Variants in MYO15A observed in about 807,000 individuals in gnomAD.
MYO15A encodes unconventional myosin-XV.
Under a neutral mutation model 394.6 loss-of-function variants are expected in MYO15A, and 308 were observed. The observed-to-expected ratio is 0.78, with a 90% CI of 0.71 to 0.86. The LOEUF is 0.86. Ranked by LOEUF, MYO15A falls within the 40% of genes least tolerant of loss-of-function variation. The pLI, the probability that MYO15A is intolerant of heterozygous loss-of-function variation, is 0.00. For missense variants in MYO15A, 4,606 were observed against 4,799.1 expected (o/e 0.96, Z 1.19); for synonymous variants, 1,957 against 2,003.8 (o/e 0.98, Z 0.62).
In MYO15A at chr17:18,144,484, C is replaced by T; in HGVS notation, c.6178-13C>T. ...CCAGCTCTGTCTGCTCATGTGCCTGCCCTGTGTCTTAGGAACCTGCCTTTG... is the reference window on the plus strand; with the variant it reads ...CCAGCTCTGTCTGCTCATGTGCCTGTCCTGTGTCTTAGGAACCTGCCTTTG... On this transcript the variant is annotated splice_polypyrimidine_tract_variant and intron_variant, in intron 28 of 65. Coordinates refer to ENST00000647165, the MANE Select transcript of MYO15A (RefSeq NM_016239.4). The T allele has an allele frequency of 8.7e-6, 14 of 1,610,812 alleles. No homozygotes were observed. Among genetic ancestry groups the T allele is most frequent in the Non-Finnish European group, 1.2e-5 (14 of 1,178,154 alleles).
Position 18,121,038 on chromosome 17 carries a change from G to T in MYO15A, c.2238G>T (p.Arg746Ser), listed in dbSNP as rs79760961. The T allele has an allele frequency of 2.7e-3, 4,091 of 1,509,772 alleles. 85 individuals are homozygous for T. The African/African-American group carries it at 0.047, about 17-fold the overall frequency. The allele number at this position is 1,509,772 out of a possible 1,614,324, so 93.5% of individuals were successfully genotyped here. Residue 746 changes from arginine to serine, a missense_variant, in exon 2 of 66, where the codon AGG becomes AGT. Around this residue, in one of 2 missense-constraint regions of MYO15A, gnomAD observed 1,830 missense variants for 1,689.7 expected, o/e 1.08. Transcript: ENST00000647165. This position sits in a 1 kb window ranked among gnomAD's most constrained non-coding sequence, Gnocchi z 5.3. ...LAFPGPRPSF[R>S]GSRRRGAAFG... ...TCCCAGGGCCCCGACCCTCGTTCAG[G>T]GGCTCCCGCCGGAGAGGGGCGGCTT... is the stretch of plus-strand genomic sequence containing the variant.
rs777988901 is a variant in MYO15A, at chr17:18,120,625, C to T, written c.1825C>T (p.Arg609Cys). 3.1e-6 allele frequency: 5 copies of T among 1,597,304 alleles called. No individual in the cohort carries two copies. In the African/African-American group the frequency reaches 5.4e-5, roughly 17 times the overall value. Residue 609 changes from arginine (R) to cysteine (C), a missense_variant, in exon 2 of 66, where the codon CGC becomes TGC. Arg to Cys is a radical substitution (Grantham distance 180). Transcript: ENST00000647165. ...GPAVREAAYKRFGYKLAGMDP... is the reference protein window; with the variant it reads ...GPAVREAAYKCFGYKLAGMDP... ...TGCTGTCAGGGAGGCGGCCTACAAA[C>T]GCTTCGGCTACAAGCTGGCTGGCAT...
At chr17:18,175,657 C>A (rs1406860178) in intron 65 of MYO15A, among the ~76,000 whole-genome samples, 1 of 152,136 alleles carries the variant, frequency 6.6e-6, no homozygotes, top group Non-Finnish European at 1.5e-5. Context: ...CTGTCTGATA[C>A]TGAGGCTTTC....
chr17:18,166,265 G>C, intron 60 of MYO15A, 96 bp from the exon 61 acceptor site: 1 of 1,527,748 alleles, frequency 6.5e-7, no homozygotes. Context: ...ACCTCACCTG[G>C]GTAGCAGATT....
At chr17:18,172,905 G>A (rs1410152214) in intron 64 of MYO15A, among the ~76,000 whole-genome samples, 2 of 152,194 alleles carry the variant, frequency 1.3e-5, no homozygotes, top group African/African-American at 4.8e-5. Context: ...TTTGGTGGGG[G>A]ACATAATTCA....
intron 8 of MYO15A, 104 bp from the exon 9 acceptor site, chr17:18,131,135 T>C: frequency 9.5e-7 from 1 of 1,048,220 alleles, no homozygotes; most frequent in Non-Finnish European, 1.4e-6. Flanking sequence ...TAAAGGGAGG[T>C]CCTTGGGAAG....
intron 62 of MYO15A, among the ~76,000 whole-genome samples, chr17:18,170,898 G>T (rs1242495936): frequency 6.6e-6 from 1 of 152,184 alleles, no homozygotes; most frequent in African/African-American, 2.4e-5. Flanking sequence ...TAATGGTGGG[G>T]GAACTAGAAT....
In MYO15A at chr17:18,157,437, C is replaced by T. The variant is rs76209962; in HGVS notation, c.8788+207C>T. 922 of 911,012 alleles carry T rather than the reference C, an allele frequency of 1.0e-3. 12 individuals carry two copies. In the East Asian group the frequency reaches 0.024, roughly 24 times the overall value. The allele number at this position is 911,012 out of a possible 1,614,324, so 56.4% of individuals were successfully genotyped here. Reference sequence around the variant, plus strand: ...GCCTGAGGGGTCTCCGTGGGCATTTCCATGTTTGTGGCCTGAATCTCTCTT... The same window carrying T: ...GCCTGAGGGGTCTCCGTGGGCATTTTCATGTTTGTGGCCTGAATCTCTCTT... On this transcript the variant is annotated intron_variant, in intron 50 of 65. Coordinates refer to ENST00000647165, the MANE Select transcript of MYO15A (RefSeq NM_016239.4).
At position 18,130,817 on chromosome 17, in the gene MYO15A, A is replaced by T. The variant is rs1322498025; in HGVS notation, c.4038+7A>T. 1.1e-4 allele frequency: 127 copies of T among 1,192,944 alleles called. No homozygotes were observed. The highest frequency in any genetic ancestry group is 4.2e-4 in the South Asian group (31 of 73,062). The allele number at this position is 1,192,944 out of a possible 1,614,324, so 73.9% of individuals were successfully genotyped here. On this transcript the variant is annotated splice_region_variant and intron_variant, in intron 8 of 65. Coordinates refer to ENST00000647165, the MANE Select transcript of MYO15A (RefSeq NM_016239.4). ...GACGCTCTTGAAGATAAAGGTACTC[A>T]GTGTGTGTGTGTGTGTGTGTGTGTG...
intron 13 of MYO15A, 125 bp downstream of exon 13, chr17:18,135,949 A>C (rs854785): frequency 1.2e-6 from 1 of 868,776 alleles, no homozygotes; most frequent in South Asian, 1.5e-5. Flanking sequence ...TGGGTCAGGC[A>C]TGGAGGGGAG....
At position 18,179,083 on chromosome 17, in the gene MYO15A, T is replaced by G. The variant is rs935721165; in HGVS notation, c.*213T>G. On this transcript the variant is annotated 3_prime_UTR_variant, in exon 66 of 66. Transcript: ENST00000647165. ...TGGCAGCATGCAAACTTGGATCAGA[T>G]AGCAGGAGGAACTTTCAAAAGTCTG... The G allele has an allele frequency of 1.1e-5, 7 of 618,742 alleles. No homozygotes were observed. The highest frequency in any genetic ancestry group is 1.1e-4 in the African/African-American group (6 of 54,412). The allele number at this position is 618,742 out of a possible 1,614,324, so 38.3% of individuals were successfully genotyped here.
chr17:18,135,721 A>G lies in MYO15A; in HGVS notation c.4493A>G (p.Gln1498Arg). 1 of 1,614,164 alleles carries G rather than the reference A, an allele frequency of 6.2e-7. No individual in the cohort carries two copies. Among genetic ancestry groups the G allele is most frequent in the Non-Finnish European group, 8.5e-7 (1 of 1,179,998 alleles). ...TGGTATTTTGCATAGACGGATGCAC[A>G]GGAGGTGGCCTCAGTGGTGAGTGCC... ...VYFEKYETDA[Q>R]EVASVVSARE... Residue 1498 changes from glutamine (Q) to arginine (R), a missense_variant, in exon 13 of 66, where the codon CAG becomes CGG. This residue lies in a region of MYO15A where 2,776 missense variants were observed against 3,109.3 expected (regional missense o/e 0.89). Coordinates refer to ENST00000647165, the MANE Select transcript of MYO15A (RefSeq NM_016239.4).
Position 18,158,978 on chromosome 17 carries a change from A to T in MYO15A, c.9137A>T (p.Asp3046Val). Reference sequence around the variant, plus strand: ...CCTCGGGAGTCCAGAACCTTGGAGGACATGCTTTGCTTCACCAAGGTGTCC... The same window carrying T: ...CCTCGGGAGTCCAGAACCTTGGAGGTCATGCTTTGCTTCACCAAGGTGTCC... ...KEPRESRTLE[D>V]MLCFTKTPLQ... Residue 3046 changes from aspartate (D) to valine (V), a missense_variant, in exon 53 of 66, where the codon GAC becomes GTC. This residue lies in a region of MYO15A where 2,776 missense variants were observed against 3,109.3 expected (regional missense o/e 0.89). Coordinates refer to ENST00000647165, the MANE Select transcript of MYO15A (RefSeq NM_016239.4). 6.2e-7 allele frequency: 1 copy of T among 1,614,010 alleles called. No homozygotes were observed. Among genetic ancestry groups the T allele is most frequent in the East Asian group, 2.2e-5 (1 of 44,882 alleles).
chr17:18,172,248 C>T lies in MYO15A; in HGVS notation c.10308C>T (p.Ala3436=), dbSNP rs1343772491. 2.5e-6 allele frequency: 4 copies of T among 1,614,128 alleles called. No homozygotes were observed. In the African/African-American group the frequency reaches 5.3e-5, roughly 22 times the overall value. ...NIAVPAPCIL[A]INHNGLNFLS... is the part of the protein sequence containing the mutation. ...CTGTGCCAGCCCCTTGCATCCTTGC[C>T]ATCAACCACAATGGCCTCAACTTTC... Residue 3436 remains alanine, a synonymous_variant, in exon 64 of 66, where the codon GCC becomes GCT. Coordinates refer to ENST00000647165, the MANE Select transcript of MYO15A (RefSeq NM_016239.4).
At position 18,136,473 on chromosome 17, in the gene MYO15A, C is replaced by T. The variant is rs2046274332; in HGVS notation, c.4653C>T (p.Ala1551=). 1.2e-6 allele frequency: 2 copies of T among 1,613,652 alleles called. No individual in the cohort carries two copies. The highest frequency in any genetic ancestry group is 1.3e-5 in the African/African-American group (1 of 74,934). The change falls in exon 14 of 66, where the codon GCC becomes GCT. Residue 1551 remains alanine (A), a splice_region_variant and synonymous_variant. Coordinates refer to ENST00000647165, the MANE Select transcript of MYO15A (RefSeq NM_016239.4). ...TAACTGTGGAGAGCGCTGTGGATGC[C>T]AGGTGAGGCCACGCCCTCCCCTGCC... ...TPLTVESAVD[A]RDAIAKVLYA...
Position 18,120,501 on chromosome 17 carries a change from C to T in MYO15A, c.1701C>T (p.Arg567=). 2 of 1,577,248 alleles carry T rather than the reference C, an allele frequency of 1.3e-6. No homozygotes were observed. The highest frequency in any genetic ancestry group is 4.6e-5 in the East Asian group (2 of 43,392). The change falls in exon 2 of 66, where the codon CGC becomes CGT. Residue 567 remains arginine (R), a synonymous_variant. Coordinates refer to ENST00000647165, the MANE Select transcript of MYO15A (RefSeq NM_016239.4). ...CTGAGTTTGGCCGCCCCGTGCCTCG[C>T]CCTGCCACCTCGCTTGCGCGGTTCC... The part of the protein sequence containing the change: ...FGPEFGRPVP[R]PATSLARFLK...
In MYO15A at chr17:18,119,213, C is replaced by CA. The variant is rs750130520; in HGVS notation, c.419dup (p.Phe141ValfsTer87). ...GCGTCCACGGCCATCAACTGGCTCA[C>CA]AAAAAAGTTCCTCCTCAAGAAGGCC... On this transcript the variant is annotated frameshift_variant, in exon 2 of 66. Transcript: ENST00000647165. LOFTEE classifies it high-confidence loss of function. 4.3e-6 allele frequency: 7 copies of CA among 1,612,402 alleles called. No homozygotes were observed. Among genetic ancestry groups the CA allele is most frequent in the Middle Eastern group, 1.6e-4 (1 of 6,082 alleles).
chr17:18,122,187 A>G lies in MYO15A; in HGVS notation c.3387A>G (p.Arg1129=). 1 of 1,613,112 alleles carries G rather than the reference A, an allele frequency of 6.2e-7. No homozygotes were observed. The highest frequency in any genetic ancestry group is 1.1e-5 in the South Asian group (1 of 91,084). Residue 1129 remains arginine, a synonymous_variant, in exon 2 of 66, where the codon CGA becomes CGG. Transcript: ENST00000647165. ...PRVQKLSSFQ[R]VGPATLKPQV... Reference sequence around the variant, plus strand: ...TGCAGAAGCTGAGCTCTTTCCAGCGAGTTGGGCCTGCAACCCTGAAGCCTC... The same window carrying G: ...TGCAGAAGCTGAGCTCTTTCCAGCGGGTTGGGCCTGCAACCCTGAAGCCTC...
chr17:18,166,224 C>A, intron 60 of MYO15A, 137 bp from the exon 61 acceptor site: 1 of 1,058,324 alleles, frequency 9.4e-7, no homozygotes, highest in African/African-American at 1.6e-5. Flanking sequence ...AGCTGTGTCC[C>A]AGAACAGGCA....
Sources: allele counts gnomAD v4.1 joint callset (sites outside exome capture counted in the v4.1 genomes callset), GRCh38; gene constraint gnomAD v4.1.1; regional missense constraint gnomAD v4.1.1; non-coding constraint Gnocchi (gnomAD v3.1); transcripts MANE v1.5; gene names NCBI Gene and HGNC (gene_info 2026-07-23, HGNC 2026-07-21).